Variants in RALGPS1 observed in about 807,000 individuals in gnomAD.
RALGPS1 encodes the protein ras-specific guanine nucleotide-releasing factor RalGPS1.
RALGPS1 carries 19 observed loss-of-function variants against 78.8 expected under a neutral mutation model. The ratio of observed to expected loss-of-function variants is 0.24; its 90% CI spans 0.17 to 0.35. The LOEUF (loss-of-function observed/expected upper bound fraction) is 0.35. Ranked by LOEUF, RALGPS1 falls within the 10% of genes least tolerant of loss-of-function variation. The pLI is 1.00. For synonymous variants in RALGPS1, 228 were observed against 256.3 expected, an observed-to-expected ratio of 0.89 and a Z score of 1.06; for missense variants, 454 against 688.3, an observed-to-expected ratio of 0.66 and a Z score of 3.81.
At chr9:127,126,337 G>A (rs947052707) in intron 8 of RALGPS1, among the ~76,000 whole-genome samples, 2 of 152,288 alleles carry the variant, frequency 1.3e-5, no homozygotes, top group Non-Finnish European at 2.9e-5. Context: ...GTTTGACCAT[G>A]ATGTGACTAA....
chr9:127,155,650 A>G (rs947973853), intron 8 of RALGPS1, among the ~76,000 whole-genome samples: 1 of 152,186 alleles, frequency 6.6e-6, no homozygotes, highest in Non-Finnish European at 1.5e-5. Flanking sequence ...ATGGTCTAAT[A>G]GGGTTTGAGA....
intron 4 of RALGPS1, among the ~76,000 whole-genome samples, chr9:127,000,651 C>T (rs1037159323): frequency 5.8e-5 from 8 of 137,396 alleles, no homozygotes; most frequent in Non-Finnish European, 4.6e-5. Flanking sequence ...CAGGTTCAAG[C>T]GATTCTCCTG....
intron 1 of RALGPS1, among the ~76,000 whole-genome samples, chr9:126,944,576 A>G: frequency 7.2e-6 from 1 of 138,874 alleles, no homozygotes; most frequent in African/African-American, 2.6e-5. Flanking sequence ...ATGGGGAGGG[A>G]AATTGGGTGG....
At chr9:127,023,577 T>A (rs1348943709) in intron 4 of RALGPS1, among the ~76,000 whole-genome samples, 4 of 152,282 alleles carry the variant, frequency 2.6e-5, no homozygotes, top group Non-Finnish European at 5.9e-5. Flanking sequence ...TGAGTTCCCC[T>A]CCAGCCATGA....
chr9:127,093,454 G>A (rs1218541319), intron 8 of RALGPS1, among the ~76,000 whole-genome samples: 2 of 152,186 alleles, frequency 1.3e-5, no homozygotes, highest in Non-Finnish European at 2.9e-5. Context: ...CTCTCACCCT[G>A]TCCTGTGGGG....
At chr9:127,192,341 G>A (rs1186831822) in intron 11 of RALGPS1, among the ~76,000 whole-genome samples, 3 of 152,254 alleles carry the variant, frequency 2.0e-5, no homozygotes, top group Non-Finnish European at 2.9e-5. Context: ...CAGGCCAGGC[G>A]ACTGGGCAAC....
At chr9:127,112,319 A>G (rs983296469) in intron 8 of RALGPS1, among the ~76,000 whole-genome samples, 5 of 152,292 alleles carry the variant, frequency 3.3e-5, no homozygotes, top group Admixed American at 3.3e-4. Context: ...CACCCACCCC[A>G]GAACAATGGG....
intron 8 of RALGPS1, among the ~76,000 whole-genome samples, chr9:127,133,801 T>C (rs1588094431): frequency 6.6e-6 from 1 of 151,892 alleles, no homozygotes; most frequent in Non-Finnish European, 1.5e-5. Flanking sequence ...AAGGGGCAAA[T>C]CCCAGCTGAC....
intron 1 of RALGPS1, among the ~76,000 whole-genome samples, chr9:126,943,409 C>T (rs2036961648): frequency 6.6e-6 from 1 of 152,158 alleles, no homozygotes; most frequent in East Asian, 1.9e-4. Flanking sequence ...TCCCAAAGTG[C>T]TGGGATTACA....
At chr9:127,192,657 CAAAAAA>C (rs919021980) in intron 11 of RALGPS1, among the ~76,000 whole-genome samples, 1 of 148,182 alleles carries the variant, frequency 6.7e-6, no homozygotes, top group Admixed American at 6.7e-5. Context: ...GACCCTGTGT[CAAAAAA>C]AAAGAAAAGA....
At chr9:127,015,478 G>T (rs898490568) in intron 4 of RALGPS1, among the ~76,000 whole-genome samples, 2 of 152,146 alleles carry the variant, frequency 1.3e-5, no homozygotes, top group Admixed American at 1.3e-4. Flanking sequence ...CCTGGGAACA[G>T]GACTGCGAAC....
At chr9:126,915,302 G>C (rs2034008992) in intron 1 of RALGPS1, 1 of 140,638 alleles carries the variant, frequency 7.1e-6, no homozygotes, top group Admixed American at 7.0e-5. Flanking sequence ...CAGTTGGGCG[G>C]GGCGCCGCGG....
chr9:127,162,795 A>G (rs1199625292), intron 8 of RALGPS1, among the ~76,000 whole-genome samples: 1 of 152,234 alleles, frequency 6.6e-6, no homozygotes, highest in African/African-American at 2.4e-5. Flanking sequence ...CTCACAGGGC[A>G]GCACAGGGTG....
At chr9:127,105,766 G>C (rs2054159658) in intron 8 of RALGPS1, among the ~76,000 whole-genome samples, 1 of 152,164 alleles carries the variant, frequency 6.6e-6, no homozygotes, top group African/African-American at 2.4e-5. Flanking sequence ...GGCATTGGAC[G>C]GATCCCAGAT....
chr9:126,934,512 T>C (rs1157445654), intron 1 of RALGPS1, among the ~76,000 whole-genome samples: 1 of 152,164 alleles, frequency 6.6e-6, no homozygotes, highest in East Asian at 1.9e-4. Flanking sequence ...AGAAACCTCC[T>C]GTCAAGCGGA....
Position 127,122,028 on chromosome 9 carries a change from G to T in RALGPS1, c.611-44041G>T, listed in dbSNP as rs1029100226. Among the ~76,000 whole-genome samples the T allele has an allele frequency of 6.6e-6, 1 of 152,184 alleles. No individual in the cohort carries two copies. Among genetic ancestry groups the T allele is most frequent in the Non-Finnish European group, 1.5e-5 (1 of 68,026 alleles). ...CAGCTGCTCTGCCGTGCCGGGAGCTGCCGGCCGGCACCCCAAAGGCTCTTT... is the reference window on the plus strand; with the variant it reads ...CAGCTGCTCTGCCGTGCCGGGAGCTTCCGGCCGGCACCCCAAAGGCTCTTT... On this transcript the variant is annotated intron_variant, in intron 8 of 18. Coordinates refer to ENST00000259351, the MANE Select transcript of RALGPS1 (RefSeq NM_014636.3). This position sits in a 1 kb window ranked among gnomAD's most constrained non-coding sequence, Gnocchi z 6.4.
chr9:127,203,994 G>GCC (rs2061791486), intron 14 of RALGPS1, among the ~76,000 whole-genome samples: 1 of 152,130 alleles, frequency 6.6e-6, no homozygotes, highest in South Asian at 2.1e-4. Flanking sequence ...CCTCCACAGT[G>GCC]AAAGGCACAG....
At chr9:127,078,741 C>T (rs1460155001) in intron 8 of RALGPS1, among the ~76,000 whole-genome samples, 1 of 152,200 alleles carries the variant, frequency 6.6e-6, no homozygotes, top group Non-Finnish European at 1.5e-5. Flanking sequence ...AGCATAAGCC[C>T]ATTTTGTGCA....
At chr9:127,017,674 C>T (rs2044986217) in intron 4 of RALGPS1, among the ~76,000 whole-genome samples, 1 of 152,170 alleles carries the variant, frequency 6.6e-6, no homozygotes, top group Admixed American at 6.5e-5. Context: ...GCTTAAAACA[C>T]ACATTGTTCA....
Sources: allele counts gnomAD v4.1 joint callset (sites outside exome capture counted in the v4.1 genomes callset), GRCh38; gene constraint gnomAD v4.1.1; non-coding constraint Gnocchi (gnomAD v3.1); transcripts MANE v1.5; gene names NCBI Gene and HGNC (gene_info 2026-07-23, HGNC 2026-07-21).